PALS2: variants seen among roughly 807,000 people sequenced by gnomAD.
PALS2 encodes protein associated with LIN7 2, MAGUK p55 family member, also known as protein PALS2.
Under a neutral mutation model 61.6 loss-of-function variants are expected in PALS2, and 27 were observed. The observed-to-expected ratio is 0.44, with a 90% CI of 0.32 to 0.60. PALS2 has a LOEUF of 0.60. Ranked by LOEUF, PALS2 falls within the 20% of genes least tolerant of loss-of-function variation. The pLI is 0.05. For synonymous variants in PALS2, 236 were observed against 218.6 expected (o/e 1.08, Z -0.70); for missense variants, 554 against 639.4 (o/e 0.87, Z 1.44).
At chr7:24,606,188 A>T (rs547796950) in intron 1 of PALS2, among the ~76,000 whole-genome samples, 9 of 152,184 alleles carry the variant, frequency 5.9e-5, no homozygotes, top group Non-Finnish European at 1.3e-4. Context: ...AAGAATTACT[A>T]TGAATGAAAC....
chr7:24,673,239 T>A (rs1238890503), intron 9 of PALS2, among the ~76,000 whole-genome samples: 1 of 152,236 alleles, frequency 6.6e-6, no homozygotes, highest in Non-Finnish European at 1.5e-5. Flanking sequence ...CCTTGTCTTT[T>A]TGTGGTAAAT....
At chr7:24,673,035 G>C (rs1244487149) in intron 9 of PALS2, among the ~76,000 whole-genome samples, 1 of 152,046 alleles carries the variant, frequency 6.6e-6, no homozygotes, top group African/African-American at 2.4e-5. Flanking sequence ...TTTTAGCTGT[G>C]GGTTTTTCAT....
At chr7:24,613,746 C>G (rs1045866439) in intron 1 of PALS2, among the ~76,000 whole-genome samples, 12 of 151,768 alleles carry the variant, frequency 7.9e-5, no homozygotes, top group Admixed American at 7.9e-4. Flanking sequence ...CCCTTCTTTC[C>G]CCCTATTCTT....
intron 1 of PALS2, among the ~76,000 whole-genome samples, chr7:24,613,675 A>G (rs1410937050): frequency 1.3e-5 from 2 of 151,884 alleles, no homozygotes; most frequent in Non-Finnish European, 3.0e-5. Context: ...GCTATAAAAC[A>G]CTAGAACTTA....
intron 1 of PALS2, among the ~76,000 whole-genome samples, chr7:24,602,421 T>C (rs1783753381): frequency 6.6e-6 from 1 of 152,168 alleles, no homozygotes; most frequent in Non-Finnish European, 1.5e-5. Flanking sequence ...TCTGATTTCA[T>C]GTTGAATGTC....
chr7:24,595,629 TC>T (rs1783495612), intron 1 of PALS2, among the ~76,000 whole-genome samples: 2 of 146,298 alleles, frequency 1.4e-5, no homozygotes, highest in East Asian at 3.9e-4. Context: ...TCAAGCACTG[TC>T]CTAGTGCCAG....
intron 2 of PALS2, among the ~76,000 whole-genome samples, chr7:24,632,176 A>C (rs909184484): frequency 1.3e-5 from 2 of 152,114 alleles, no homozygotes; most frequent in African/African-American, 4.8e-5. Context: ...CAGAGAATCA[A>C]CTCTTATCGT....
chr7:24,595,559 CTATATATAAA>C (rs71554003), intron 1 of PALS2, among the ~76,000 whole-genome samples: 5,354 of 116,382 alleles, frequency 0.046, 149 homozygotes, highest in South Asian at 0.12. Context: ...TATATATTAA[CTATATATAAA>C]TATATATAAA....
chr7:24,589,080 G>A (rs530034133), intron 1 of PALS2: 2 of 152,290 alleles, frequency 1.3e-5, no homozygotes, highest in Non-Finnish European at 2.9e-5. Context: ...TTTTGTGTGT[G>A]TGTGTGTGTT....
intron 1 of PALS2, among the ~76,000 whole-genome samples, chr7:24,613,527 G>A (rs1344356750): frequency 6.6e-6 from 1 of 151,718 alleles, no homozygotes; most frequent in Non-Finnish European, 1.5e-5. Flanking sequence ...TACATACAAT[G>A]TTTAGTGATC....
At chr7:24,583,922 T>C (rs1782951575) in intron 1 of PALS2, among the ~76,000 whole-genome samples, 1 of 151,744 alleles carries the variant, frequency 6.6e-6, no homozygotes, top group Non-Finnish European at 1.5e-5. Flanking sequence ...TTTGGTTTTT[T>C]GTTCTCACGA....
chr7:24,649,211 T>C (rs1786011379), intron 3 of PALS2, among the ~76,000 whole-genome samples: 1 of 152,056 alleles, frequency 6.6e-6, no homozygotes, highest in Non-Finnish European at 1.5e-5. Context: ...AAAAATGTCA[T>C]TTGAATTTGA....
At chr7:24,650,385 A>G in intron 4 of PALS2, 100 bp from the exon 5 acceptor site, 1 of 989,100 alleles carries the variant, frequency 1.0e-6, no homozygotes, top group Non-Finnish European at 1.5e-6. Context: ...AGAATGATTC[A>G]TTTTACCTAG....
intron 1 of PALS2, among the ~76,000 whole-genome samples, chr7:24,592,037 A>G (rs1395498221): frequency 6.6e-6 from 1 of 152,000 alleles, no homozygotes; most frequent in Non-Finnish European, 1.5e-5. Context: ...TTTTAGTATG[A>G]GAGCCGAAAC....
At chr7:24,602,310 A>G (rs1420193498) in intron 1 of PALS2, among the ~76,000 whole-genome samples, 1 of 151,702 alleles carries the variant, frequency 6.6e-6, no homozygotes, top group African/African-American at 2.4e-5. Context: ...GTTTTTACCT[A>G]TTTGTTTATT....
rs1786972765 is a variant in PALS2 at position 24,665,577 on chromosome 7, T to A, written c.784-11T>A. The A allele has an allele frequency of 1.2e-6, 2 of 1,612,736 alleles. No homozygotes were observed. Among genetic ancestry groups the A allele is most frequent in the Non-Finnish European group, 1.7e-6 (2 of 1,178,934 alleles). ...GTCACTGAGATGTACAATTCATTAA[T>A]TTGATTCTAGGCTAGCCATGTAAAA... On this transcript the variant is annotated splice_polypyrimidine_tract_variant and intron_variant, in intron 6 of 11. Transcript: ENST00000222644.
At chr7:24,606,757 A>G (rs564166490) in intron 1 of PALS2, among the ~76,000 whole-genome samples, 1 of 152,104 alleles carries the variant, frequency 6.6e-6, no homozygotes, top group African/African-American at 2.4e-5. Context: ...TACTTTTATT[A>G]TACAGGTTGA....
At position 24,622,645 on chromosome 7, in the gene PALS2, C is replaced by G. The variant is rs185696315; in HGVS notation, c.-2-1021C>G. Reference sequence around the variant, plus strand: ...CAAATATAAATTGTTTTACTTATTGCTTTCTAGTCTGGATGCCTTTTCTTT... The same window carrying G: ...CAAATATAAATTGTTTTACTTATTGGTTTCTAGTCTGGATGCCTTTTCTTT... On this transcript the variant is annotated intron_variant, in intron 1 of 11. Coordinates refer to ENST00000222644, the MANE Select transcript of PALS2 (RefSeq NM_001303037.2). 1.3e-3 allele frequency among the ~76,000 whole-genome samples: 187 copies of G among 148,088 alleles called. 1 individual carries two copies. The highest frequency in any genetic ancestry group is 5.4e-4 in the Non-Finnish European group (36 of 66,820).
At chr7:24,589,000 C>T (rs544980247) in intron 1 of PALS2, 1 of 152,098 alleles carries the variant, frequency 6.6e-6, no homozygotes, top group South Asian at 2.1e-4. Context: ...CTACACTGTA[C>T]AATAAAAAGA....
Sources: allele counts gnomAD v4.1 joint callset (sites outside exome capture counted in the v4.1 genomes callset), GRCh38; gene constraint gnomAD v4.1.1; transcripts MANE v1.5; gene names NCBI Gene and HGNC (gene_info 2026-07-23, HGNC 2026-07-21).